The following PHIP variants were observed in gnomAD, a reference collection of about 807,000 sequenced individuals.
The protein encoded by PHIP is PHIP subunit of CUL4-Ring ligase complex, also known as PH-interacting protein.
A neutral mutation model predicts 236.8 loss-of-function variants in PHIP; 54 were observed. The ratio of observed to expected loss-of-function variants is 0.23; its 90% CI spans 0.18 to 0.29. The LOEUF is 0.29. Ranked by LOEUF, PHIP falls within the 10% of genes least tolerant of loss-of-function variation. The pLI, the probability that PHIP is intolerant of heterozygous loss-of-function variation, is 1.00. For missense variants in PHIP, 1,370 were observed against 2,190.8 expected (o/e 0.63, Z 7.48); for synonymous variants, 756 against 718.9 (o/e 1.05, Z -0.83).
intron 13 of PHIP, among the ~76,000 whole-genome samples, chr6:79,016,119 T>C (rs988352979): frequency 6.6e-6 from 1 of 151,954 alleles, no homozygotes; most frequent in East Asian, 1.9e-4. Flanking sequence ...TGTTCTGCTT[T>C]CCCATCCATC....
At chr6:79,072,368 G>T (rs1324288316) in intron 4 of PHIP, among the ~76,000 whole-genome samples, 1 of 152,124 alleles carries the variant, frequency 6.6e-6, no homozygotes, top group Non-Finnish European at 1.5e-5. Flanking sequence ...TTTTCCAGAG[G>T]TCTATCCACA....
rs1767084559 is a variant in PHIP, at chr6:78,965,767, TAAAG to T, written c.3318-7_3318-4del. 2.6e-6 allele frequency: 4 copies of T among 1,515,148 alleles called. No homozygotes were observed. Among genetic ancestry groups the T allele is most frequent in the Non-Finnish European group, 3.6e-6 (4 of 1,099,702 alleles). The allele number at this position is 1,515,148 out of a possible 1,614,324, so 93.9% of individuals were successfully genotyped here. A position where few individuals can be genotyped will look rare whatever the true frequency, so the allele number is the denominator to read the frequency against. On this transcript the variant is annotated splice_polypyrimidine_tract_variant and splice_region_variant and intron_variant, in intron 28 of 39. Transcript: ENST00000275034. ...TTTCTGTATCTCCATTGTCCCAGCT[TAAAG>T]AAAGAAAAATCATTATATTAAAAAA...
chr6:79,034,865 C>T lies in PHIP; in HGVS notation c.600+7978G>A, dbSNP rs138505553. 6.6e-4 allele frequency among the ~76,000 whole-genome samples: 101 copies of T among 152,270 alleles called. 1 individual carries two copies. In the South Asian group the frequency reaches 8.1e-3, roughly 12 times the overall value. ...TGCCCCAAAGAGTTAAAGAAATCAA[C>T]GACTAACATTGATTAACACTGAATG... On this transcript the variant is annotated intron_variant, in intron 7 of 39. Coordinates refer to ENST00000275034, the MANE Select transcript of PHIP (RefSeq NM_017934.7).
At chr6:78,943,990 TAAAAAAA>T (rs558983037) in intron 39 of PHIP, among the ~76,000 whole-genome samples, 1 of 78,144 alleles carries the variant, frequency 1.3e-5, no homozygotes, top group Admixed American at 1.8e-4. Context: ...TGTCTTTTTT[TAAAAAAA>T]AAAAAAAAAA....
At chr6:79,071,313 G>GA (rs149159517) in intron 4 of PHIP, among the ~76,000 whole-genome samples, 2 of 151,942 alleles carry the variant, frequency 1.3e-5, no homozygotes, top group Non-Finnish European at 2.9e-5. Flanking sequence ...ATTCCATCAA[G>GA]AAAAAACATG....
At chr6:78,955,037 T>G (rs1320624073) in intron 34 of PHIP, 74 bp from the exon 35 acceptor site, 1 of 1,048,684 alleles carries the variant, frequency 9.5e-7, no homozygotes, top group Non-Finnish European at 1.4e-6. Context: ...AATGTAGTCT[T>G]AGATAATTGG....
At chr6:78,997,690 A>T in intron 18 of PHIP, 93 bp from the exon 19 acceptor site, 1 of 997,148 alleles carries the variant, frequency 1.0e-6, no homozygotes, top group Non-Finnish European at 1.5e-6. Context: ...ATCTTCCATA[A>T]GAAACTTCAT....
chr6:78,996,298 T>C (rs1212742304), intron 19 of PHIP, among the ~76,000 whole-genome samples: 2 of 152,238 alleles, frequency 1.3e-5, no homozygotes, highest in Admixed American at 6.5e-5. Flanking sequence ...CTGCTATCTG[T>C]GTCTGGTGAA....
intron 4 of PHIP, among the ~76,000 whole-genome samples, chr6:79,061,840 G>GC (rs1280365512): frequency 6.6e-6 from 1 of 152,110 alleles, no homozygotes; most frequent in Non-Finnish European, 1.5e-5. Flanking sequence ...TAAGACTGAT[G>GC]TGGGGGGAGG....
rs954122811 is a variant in PHIP, at chr6:78,987,137, T to C, written c.2460+1072A>G. Among the ~76,000 whole-genome samples the C allele has an allele frequency of 7.2e-5, 11 of 152,258 alleles. 1 individual carries two copies. Among genetic ancestry groups the C allele is most frequent in the Admixed American group, 3.9e-4 (6 of 15,288 alleles). ...CATAAATAAATTAGTTTGAAGACAC[T>C]TGAAGGACTTGTTGTAACAGATGTG... On this transcript the variant is annotated intron_variant, in intron 21 of 39. Transcript: ENST00000275034.
intron 13 of PHIP, among the ~76,000 whole-genome samples, chr6:79,016,292 A>T (rs1431963605): frequency 6.6e-6 from 1 of 151,996 alleles, no homozygotes; most frequent in Non-Finnish European, 1.5e-5. Flanking sequence ...TGAAAAAAAT[A>T]TTTAAAGTTA....
chr6:78,997,881 A>T lies in PHIP; in HGVS notation c.2018-284T>A, dbSNP rs552025514. On this transcript the variant is annotated intron_variant, in intron 18 of 39. Transcript: ENST00000275034. ...AAAAATGCTAAGTATTTTTGAGAAA[A>T]CTTCATAAGAAGCAAACTAGACAAA... Among the ~76,000 whole-genome samples the T allele has an allele frequency of 5.3e-5, 8 of 152,318 alleles. No individual in the cohort carries two copies. The South Asian group carries it at 1.7e-3, about 32-fold the overall frequency.
chr6:79,023,158 A>G (rs1054554644), intron 9 of PHIP, among the ~76,000 whole-genome samples: 1 of 152,222 alleles, frequency 6.6e-6, no homozygotes, highest in Non-Finnish European at 1.5e-5. Context: ...AGCTCACTTC[A>G]GCCTTTAACT....
At chr6:78,983,951 TTA>T (rs1768707184) in intron 22 of PHIP, among the ~76,000 whole-genome samples, 1 of 151,974 alleles carries the variant, frequency 6.6e-6, no homozygotes, top group Non-Finnish European at 1.5e-5. Context: ...GCATATTTAC[TTA>T]TTTTGTACAA....
rs968971170 is a variant in PHIP at position 78,935,059 on chromosome 6, G to A, written c.*5634C>T. Among the ~76,000 whole-genome samples, 2 of 152,114 alleles carry A rather than the reference G, an allele frequency of 1.3e-5. No individual in the cohort carries two copies. The highest frequency in any genetic ancestry group is 2.4e-5 in the African/African-American group (1 of 41,416). On this transcript the variant is annotated 3_prime_UTR_variant, in exon 40 of 40. Transcript: ENST00000275034. ...AATCTTACTTCCGTTAAATACTGGG[G>A]AATCCTGGGTCATAAAATTGGTATT...
In PHIP at chr6:79,016,565, T is replaced by C. The variant is rs182797376; in HGVS notation, c.1214A>G (p.Asp405Gly). 3.1e-6 allele frequency: 5 copies of C among 1,609,666 alleles called. No homozygotes were observed. Among genetic ancestry groups the C allele is most frequent in the Non-Finnish European group, 4.2e-6 (5 of 1,176,532 alleles). The change falls in exon 13 of 40, where the codon GAT becomes GGT. Residue 405 changes from aspartate (D) to glycine (G), a missense_variant. Physicochemically the swap from Asp to Gly is moderately conservative, Grantham distance 94. This residue lies in a region of PHIP where 188 missense variants were observed against 354.3 expected (regional missense o/e 0.53). Transcript: ENST00000275034. ...KRREWKSILL[D>G]MATRPAGQNL... ...TTACCCTGCTGGACGAGTAGCCATA[T>C]CCAACAAAATGCTCTTCCACTCTCT...
intron 9 of PHIP, among the ~76,000 whole-genome samples, chr6:79,019,857 TAC>T (rs1771024794): frequency 2.0e-5 from 3 of 152,136 alleles, no homozygotes; most frequent in Admixed American, 6.5e-5. Flanking sequence ...TGTTTAATGT[TAC>T]AGTCAACCAA....
At chr6:79,011,784 A>G (rs1455703374) in intron 15 of PHIP, among the ~76,000 whole-genome samples, 1 of 151,768 alleles carries the variant, frequency 6.6e-6, no homozygotes, top group Non-Finnish European at 1.5e-5. Flanking sequence ...AAAGAACTAA[A>G]TAGCTTTATC....
chr6:78,998,157 G>T, intron 18 of PHIP, 97 bp downstream of exon 18: 2 of 822,820 alleles, frequency 2.4e-6, no homozygotes, highest in Non-Finnish European at 1.9e-6. Context: ...TTCATTTTAC[G>T]GATGTACCAT....
Sources: gnomAD v4.1 joint callset for allele counts (sites outside exome capture counted in the v4.1 genomes callset) on GRCh38, gnomAD v4.1.1 for gene constraint, gnomAD v4.1.1 regional missense constraint, MANE v1.5 for transcripts, NCBI Gene and HGNC (gene_info 2026-07-23, HGNC 2026-07-21) for gene names.